The following MFSD11 variants were observed in gnomAD, a reference collection of about 807,000 sequenced individuals.
The protein encoded by MFSD11 is major facilitator superfamily domain containing 11.
A neutral mutation model predicts 53.5 loss-of-function variants in MFSD11; 36 were observed. That is an observed-to-expected ratio of 0.67 (90% CI 0.52 to 0.89). The LOEUF is 0.89. MFSD11 is among the 40% of genes least tolerant of loss of function. The pLI, the probability that MFSD11 is intolerant of heterozygous loss-of-function variation, is 0.00. For synonymous variants in MFSD11, 186 were observed against 184.9 expected (o/e 1.01, Z -0.05); for missense variants, 530 against 543.9 (o/e 0.97, Z 0.25).
intron 10 of MFSD11, among the ~76,000 whole-genome samples, chr17:76,774,164 G>C (rs1268574263): frequency 6.6e-6 from 1 of 152,304 alleles, no homozygotes; most frequent in East Asian, 1.9e-4. Flanking sequence ...GACCTCGGGT[G>C]ATCTGCCCGC....
In MFSD11 at chr17:76,743,395, C is replaced by T; in HGVS notation, c.438-3C>T. On this transcript the variant is annotated splice_polypyrimidine_tract_variant and splice_region_variant and intron_variant, in intron 5 of 12. Transcript: ENST00000685175. Reference sequence around the variant, plus strand: ...CATCCTATCCTCCCTTTTCTTCCCCCAGCTTGTTCTTTGGAAATCTCTACA... The same window carrying T: ...CATCCTATCCTCCCTTTTCTTCCCCTAGCTTGTTCTTTGGAAATCTCTACA... 2 of 1,574,376 alleles carry T rather than the reference C, an allele frequency of 1.3e-6. No individual in the cohort carries two copies. Among genetic ancestry groups the T allele is most frequent in the Non-Finnish European group, 1.7e-6 (2 of 1,160,530 alleles).
chr17:76,798,349 C>T, the MFSD11 span, among the ~76,000 whole-genome samples: 1 of 152,172 alleles, frequency 6.6e-6, no homozygotes, highest in Non-Finnish European at 1.5e-5. Context: ...ATTCACCAAC[C>T]TCGAAGCTCA....
At position 76,778,684 on chromosome 17, in the gene MFSD11, T is replaced by C. The variant is rs1385919502; in HGVS notation, c.*332T>C. On this transcript the variant is annotated 3_prime_UTR_variant, in exon 13 of 13. Coordinates refer to ENST00000685175, the MANE Select transcript of MFSD11 (RefSeq NM_001242532.5). ...TCTTGTTGGAAGATCCTGCCTTGATTTAGAATACTAGGCCATATGTCATAT... is the reference window on the plus strand; with the variant it reads ...TCTTGTTGGAAGATCCTGCCTTGATCTAGAATACTAGGCCATATGTCATAT... 3 of 231,754 alleles carry C rather than the reference T, an allele frequency of 1.3e-5. No individual in the cohort carries two copies. The Admixed American group carries it at 1.5e-4, about 12-fold the overall frequency. The allele number at this position is 231,754 out of a possible 1,614,324, so 14.4% of individuals were successfully genotyped here. A position where few individuals can be genotyped will look rare whatever the true frequency, so the allele number is the denominator to read the frequency against.
chr17:76,772,364 C>T (rs2081440716), intron 10 of MFSD11, among the ~76,000 whole-genome samples: 1 of 151,786 alleles, frequency 6.6e-6, no homozygotes, highest in Admixed American at 6.6e-5. Flanking sequence ...CACACCACTG[C>T]ACTCCAGCCT....
chr17:76,753,636 T>G (rs541700234), intron 7 of MFSD11, among the ~76,000 whole-genome samples: 14 of 143,128 alleles, frequency 9.8e-5, no homozygotes, highest in Non-Finnish European at 1.6e-4. Flanking sequence ...TGCAGTGAGC[T>G]GAGATTGCAT....
chr17:76,744,471 G>A lies in MFSD11; in HGVS notation c.641+5G>A, dbSNP rs1258887316. 2 of 1,604,136 alleles carry A rather than the reference G, an allele frequency of 1.2e-6. No homozygotes were observed. The highest frequency in any genetic ancestry group is 1.7e-6 in the Non-Finnish European group (2 of 1,177,334). ...CCAGGACATGGAAGTCAACGAGTAA[G>A]ATGTTGGAAACATTCTATTTTATTT... On this transcript the variant is annotated splice_donor_5th_base_variant and intron_variant, in intron 7 of 12. Transcript: ENST00000685175.
the MFSD11 span, among the ~76,000 whole-genome samples, chr17:76,791,619 G>T: frequency 6.7e-6 from 1 of 148,512 alleles, no homozygotes; most frequent in Non-Finnish European, 1.5e-5. Context: ...GGAGCCGCAC[G>T]GGGTGTCTGG....
chr17:76,737,366 G>A (rs778467656), upstream of MFSD11: 2 of 585,682 alleles, frequency 3.4e-6, no homozygotes, highest in South Asian at 3.3e-5. Context: ...CGTTTATATC[G>A]CTCCTCACAA....
chr17:76,800,468 T>C, the MFSD11 span, among the ~76,000 whole-genome samples: 1 of 152,202 alleles, frequency 6.6e-6, no homozygotes, highest in Non-Finnish European at 1.5e-5. Flanking sequence ...GCCTTCTCCT[T>C]TGTGCTGTAG....
chr17:76,770,833 A>T (rs1241651139), intron 10 of MFSD11, among the ~76,000 whole-genome samples: 2 of 152,204 alleles, frequency 1.3e-5, no homozygotes, highest in Non-Finnish European at 2.9e-5. Context: ...CTCTGTCTCC[A>T]TGGATTTTGG....
chr17:76,744,424 GAGA>G lies in MFSD11; in HGVS notation c.603_605del (p.Glu201del), dbSNP rs767389083. The G allele has an allele frequency of 1.7e-5, 28 of 1,613,832 alleles. No individual in the cohort carries two copies. Among genetic ancestry groups the G allele is most frequent in the Admixed American group, 1.7e-5 (1 of 59,972 alleles). On this transcript the variant is annotated inframe_deletion, in exon 7 of 13. Coordinates refer to ENST00000685175, the MANE Select transcript of MFSD11 (RefSeq NM_001242532.5). ...AAACCAGATTCTGAAAATGTCCTAG[GAGA>G]AGATGAGTCTTCTGATGACCAGGAC...
intron 6 of MFSD11, among the ~76,000 whole-genome samples, chr17:76,743,726 C>T (rs2078301962): frequency 6.6e-6 from 1 of 152,142 alleles, no homozygotes; most frequent in South Asian, 2.1e-4. Context: ...AAACAGTTCT[C>T]CTGCTTCAGC....
At chr17:76,770,281 G>A (rs755778142) in intron 10 of MFSD11, among the ~76,000 whole-genome samples, 3 of 151,670 alleles carry the variant, frequency 2.0e-5, no homozygotes, top group Non-Finnish European at 2.9e-5. Context: ...CTCATGATCC[G>A]CCCACCTCGG....
chr17:76,751,923 T>C (rs1359574774), intron 7 of MFSD11, among the ~76,000 whole-genome samples: 1 of 152,154 alleles, frequency 6.6e-6, no homozygotes, highest in Non-Finnish European at 1.5e-5. Flanking sequence ...AAGCCAGGCC[T>C]CTGACTCCAA....
At chr17:76,753,299 G>A (rs1348533725) in intron 7 of MFSD11, among the ~76,000 whole-genome samples, 2 of 152,140 alleles carry the variant, frequency 1.3e-5, no homozygotes, top group African/African-American at 2.4e-5. Flanking sequence ...AGTCTCTGAC[G>A]GGTTTTAATG....
the MFSD11 span, among the ~76,000 whole-genome samples, chr17:76,792,716 G>A: frequency 6.6e-6 from 1 of 151,400 alleles, no homozygotes; most frequent in Admixed American, 6.6e-5. Context: ...CTTGAGATGG[G>A]GAGATTATCT....
chr17:76,793,115 C>G, the MFSD11 span, among the ~76,000 whole-genome samples: 1 of 151,342 alleles, frequency 6.6e-6, no homozygotes, highest in Non-Finnish European at 1.5e-5. Flanking sequence ...GTTTCGGGCA[C>G]GCATTGTCAT....
At position 76,778,942 on chromosome 17, in the gene MFSD11, A is replaced by C. The variant is rs889693646; in HGVS notation, c.*590A>C. The C allele has an allele frequency of 6.6e-6, 1 of 152,608 alleles. No individual in the cohort carries two copies. The highest frequency in any genetic ancestry group is 1.9e-4 in the East Asian group (1 of 5,194). 9.5% of individuals were successfully genotyped at this position (152,608 alleles called of 1,614,324 possible). On this transcript the variant is annotated 3_prime_UTR_variant, in exon 13 of 13. Transcript: ENST00000685175. ...CACTGCACTCCAGGCTGGGCAACAG[A>C]GTGAGACCCTGTCTTGAAAATAATA... is the stretch of plus-strand genomic sequence containing the variant.
intron 7 of MFSD11, among the ~76,000 whole-genome samples, chr17:76,751,761 C>A (rs756752681): frequency 1.3e-5 from 2 of 150,754 alleles, no homozygotes; most frequent in African/African-American, 4.9e-5. Flanking sequence ...TTTTTAAAAA[C>A]TTTCTTATAA....
Sources: gnomAD v4.1 joint callset for allele counts (sites outside exome capture counted in the v4.1 genomes callset) on GRCh38, gnomAD v4.1.1 for gene constraint, MANE v1.5 for transcripts, NCBI Gene and HGNC (gene_info 2026-07-23, HGNC 2026-07-21) for gene names.